Variants in ZNF415 observed in about 807,000 individuals in gnomAD.
ZNF415 encodes zinc finger protein 415.
In ZNF415, 5 loss-of-function variants were observed where a neutral mutation model predicts 7.3. The observed-to-expected ratio is 0.69, with a 90% CI of 0.36 to 1.44. The LOEUF (loss-of-function observed/expected upper bound fraction) is 1.44. Ranked by LOEUF, ZNF415 falls within the 40% of genes most tolerant of loss-of-function variation. ZNF415 has a pLI of 0.04. For synonymous variants in ZNF415, 207 were observed against 226.3 expected, an observed-to-expected ratio of 0.91 and a Z score of 0.77; for missense variants, 628 against 664.8, an observed-to-expected ratio of 0.94 and a Z score of 0.61.
rs762999138 is a variant in ZNF415 at position 53,108,815 on chromosome 19, TTTCTCTCCAGTATGAA to T, written c.1214_1229del (p.Ile405AsnfsTer46). 11 of 1,614,076 alleles carry T rather than the reference TTTCTCTCCAGTATGAA, an allele frequency of 6.8e-6. No homozygotes were observed. In the African/African-American group the frequency reaches 1.5e-4, roughly 22 times the overall value. ...TACCACATTCATTGCATTTGTAAGG[TTTCTCTCCAGTATGAA>T]TTCTCCAATGCCTTGCAAGGCTTGA... On this transcript the variant is annotated frameshift_variant, in exon 4 of 4. Transcript: ENST00000243643. LOFTEE classifies it low-confidence loss of function (END_TRUNC).
intron 2 of ZNF415, among the ~76,000 whole-genome samples, chr19:53,117,470 T>TA (rs940773985): frequency 3.1e-4 from 46 of 148,256 alleles, no homozygotes; most frequent in South Asian, 2.1e-3. Context: ...AAGAGAATTC[T>TA]AAAAAAAAAC....
intron 3 of ZNF415, among the ~76,000 whole-genome samples, chr19:53,111,340 C>CTTTTTTTTT (rs61112807): frequency 9.5e-6 from 1 of 105,118 alleles, no homozygotes. Flanking sequence ...TATGATATTT[C>CTTTTTTTTT]TTTTTTTTTT....
intron 1 of ZNF415, chr19:53,124,456 C>T (rs2088689564): frequency 6.6e-6 from 1 of 151,864 alleles, no homozygotes; most frequent in African/African-American, 2.4e-5. Context: ...AACTAAGAGT[C>T]AGAACTCACT....
At chr19:53,123,763 A>G in intron 1 of ZNF415, 1 of 393,100 alleles carries the variant, frequency 2.5e-6, no homozygotes, top group Non-Finnish European at 4.5e-6. Flanking sequence ...TTAAATATAT[A>G]ATATTTTCTT....
At chr19:53,119,537 T>G (rs1251390495) in intron 2 of ZNF415, among the ~76,000 whole-genome samples, 1 of 146,554 alleles carries the variant, frequency 6.8e-6, no homozygotes, top group Non-Finnish European at 1.5e-5. Flanking sequence ...AAACCCAAAA[T>G]TAGTAGAAAG....
intron 1 of ZNF415, among the ~76,000 whole-genome samples, chr19:53,124,822 CCA>C (rs2088765203): frequency 6.6e-6 from 1 of 152,086 alleles, no homozygotes; most frequent in Admixed American, 6.6e-5. Context: ...AAGAAAATCT[CCA>C]GAGACAAGGT....
At chr19:53,122,333 G>T in intron 2 of ZNF415, 3 of 1,446,744 alleles carry the variant, frequency 2.1e-6, no homozygotes, top group South Asian at 2.5e-5. Flanking sequence ...ACGGAGAGCC[G>T]ACAGTGCATC....
chr19:53,109,748 CT>C lies in ZNF415; in HGVS notation c.296del (p.Gln99ArgfsTer12), dbSNP rs755513456. The C allele has an allele frequency of 4.6e-5, 75 of 1,614,086 alleles. No homozygotes were observed. The highest frequency in any genetic ancestry group is 6.2e-5 in the Non-Finnish European group (73 of 1,180,000). Reference sequence around the variant, plus strand: ...TGCAATTTCTTTCATCATCTCTCCACTGACAGTCAAAGTCGTGTATTTTTTT... The same window carrying C: ...TGCAATTTCTTTCATCATCTCTCCACGACAGTCAAAGTCGTGTATTTTTTT... ...IKKKIHDFDCQWRDDERNCNK... is the reference protein window; with the variant it reads ...IKKKIHDFDCXWRDDERNCNK... On this transcript the variant is annotated frameshift_variant, in exon 4 of 4. Transcript: ENST00000243643. LOFTEE classifies it low-confidence loss of function (END_TRUNC).
rs535695546 is a variant in ZNF415 at position 53,131,947 on chromosome 19, C to A, written c.-68+909G>T. Among the ~76,000 whole-genome samples the A allele has an allele frequency of 5.7e-4, 86 of 152,126 alleles. No homozygotes were observed. In the South Asian group the frequency reaches 9.8e-3, roughly 17 times the overall value. The stretch of plus-strand genomic sequence containing the variant: ...CCCCTCTTGCTGTCCCGGTACCACA[C>A]TGCCCTGTCTGCCCTGGCTCCAAAT... On this transcript the variant is annotated intron_variant, in intron 1 of 3. Transcript: ENST00000243643.
intron 2 of ZNF415, 132 bp from the exon 3 acceptor site, chr19:53,116,565 A>C (rs1166496874): frequency 3.3e-6 from 4 of 1,222,416 alleles, no homozygotes; most frequent in Non-Finnish European, 4.6e-6. Flanking sequence ...ATCCACACTA[A>C]GGTATTTTTG....
intron 1 of ZNF415, among the ~76,000 whole-genome samples, chr19:53,127,675 G>A (rs996604386): frequency 2.0e-5 from 3 of 151,968 alleles, no homozygotes; most frequent in African/African-American, 4.8e-5. Flanking sequence ...TCAGGAGATC[G>A]AGACCATCCT....
At chr19:53,125,112 C>T (rs868421018) in intron 1 of ZNF415, among the ~76,000 whole-genome samples, 1 of 151,898 alleles carries the variant, frequency 6.6e-6, no homozygotes. Context: ...GGCGTGATCT[C>T]GGCTCACTGC....
At chr19:53,117,533 A>T (rs2146379081) in intron 2 of ZNF415, among the ~76,000 whole-genome samples, 1 of 152,184 alleles carries the variant, frequency 6.6e-6, no homozygotes, top group South Asian at 2.1e-4. Context: ...AAAACAGGAA[A>T]TTTCTCAATA....
intron 1 of ZNF415, among the ~76,000 whole-genome samples, chr19:53,128,644 G>T (rs565155712): frequency 1.2e-4 from 14 of 112,592 alleles, no homozygotes; most frequent in Admixed American, 2.8e-4. Flanking sequence ...AGGCGGTGGG[G>T]ACGCCTCGGC....
At chr19:53,120,749 G>A (rs1191347314) in intron 2 of ZNF415, among the ~76,000 whole-genome samples, 3 of 152,054 alleles carry the variant, frequency 2.0e-5, no homozygotes, top group Non-Finnish European at 4.4e-5. Context: ...AAGAGACCCT[G>A]CAGGAATAGC....
chr19:53,109,318 C>T lies in ZNF415; in HGVS notation c.727G>A (p.Gly243Arg). 1 of 1,614,154 alleles carries T rather than the reference C, an allele frequency of 6.2e-7. No homozygotes were observed. Among genetic ancestry groups the T allele is most frequent in the Non-Finnish European group, 8.5e-7 (1 of 1,180,026 alleles). The change falls in exon 4 of 4, where the codon GGA becomes AGA. Residue 243 changes from glycine (G) to arginine (R), a missense_variant. Gly to Arg is a moderately radical substitution (Grantham distance 125). Coordinates refer to ENST00000243643, the MANE Select transcript of ZNF415 (RefSeq NM_018355.4). ...TTGCCACACAGATCACATTTATATC[C>T]TTTCTCTCCAGAATGACTTACCTGA... Reference protein sequence around the residue: ...VRQVSHSGEKGYKCDLCGKVF... With the variant: ...VRQVSHSGEKRYKCDLCGKVF...
At chr19:53,112,787 T>C (rs1166941766) in intron 3 of ZNF415, among the ~76,000 whole-genome samples, 1 of 152,130 alleles carries the variant, frequency 6.6e-6, no homozygotes, top group Non-Finnish European at 1.5e-5. Context: ...ACTAGGACAG[T>C]TACAATTCTG....
Position 53,109,880 on chromosome 19 carries a change from T to G in ZNF415, c.165A>C (p.Glu55Asp), listed in dbSNP as rs372401173. 19 of 1,598,604 alleles carry G rather than the reference T, an allele frequency of 1.2e-5. No homozygotes were observed. The highest frequency in any genetic ancestry group is 1.6e-5 in the Non-Finnish European group (19 of 1,175,162). ...LDLSRNCVIK[E>D]LAPQQEGNPG... The stretch of plus-strand genomic sequence containing the variant: ...GGTTACCTTCCTGTTGTGGTGCTAG[T>G]TCCTTGATTACACAGTTACGAGACA... The change falls in exon 4 of 4, where the codon GAA becomes GAC. Residue 55 changes from glutamate to aspartate, a missense_variant. Glu to Asp is a conservative substitution (Grantham distance 45, BLOSUM62 2). Transcript: ENST00000243643.
At chr19:53,122,773 GCTTAGAAACAACACACC>G in intron 1 of ZNF415, 30 bp from the exon 2 acceptor site, 7 of 1,535,346 alleles carry the variant, frequency 4.6e-6, no homozygotes, top group Non-Finnish European at 6.3e-6. Flanking sequence ...GCTGTTTATT[GCTTAGAAACAACACACC>G]CCCTCTTGTG....
Sources: allele counts gnomAD v4.1 joint callset (sites outside exome capture counted in the v4.1 genomes callset), GRCh38; gene constraint gnomAD v4.1.1; transcripts MANE v1.5; gene names NCBI Gene and HGNC (gene_info 2026-07-23, HGNC 2026-07-21).